Variants in XPNPEP3 observed in about 807,000 individuals in gnomAD.
XPNPEP3 encodes the protein X-prolyl aminopeptidase 3, also known as xaa-Pro aminopeptidase 3.
In XPNPEP3, 41 loss-of-function variants were observed where a neutral mutation model predicts 60.0. The observed-to-expected ratio is 0.68, with a 90% CI of 0.53 to 0.89. The LOEUF is 0.89. XPNPEP3 is among the 40% of genes least tolerant of loss of function. XPNPEP3 has a pLI of 0.00. For synonymous variants in XPNPEP3, 212 were observed against 223.2 expected (o/e 0.95, Z 0.45); for missense variants, 598 against 638.9 (o/e 0.94, Z 0.69).
intron 2 of XPNPEP3, among the ~76,000 whole-genome samples, chr22:40,873,657 T>C: frequency 6.6e-6 from 1 of 151,958 alleles, no homozygotes; most frequent in Non-Finnish European, 1.5e-5. Context: ...CAGATGTCTG[T>C]AGTCCTAGCT....
At chr22:40,897,847 C>T (rs2058115135) in intron 4 of XPNPEP3, among the ~76,000 whole-genome samples, 2 of 152,106 alleles carry the variant, frequency 1.3e-5, no homozygotes, top group Non-Finnish European at 2.9e-5. Flanking sequence ...TGATGTTCAG[C>T]ATATTTTCAT....
chr22:40,901,256 G>T (rs1229723372), intron 4 of XPNPEP3, among the ~76,000 whole-genome samples: 1 of 71,454 alleles, frequency 1.4e-5, no homozygotes, highest in Non-Finnish European at 2.7e-5. Context: ...TTTTGAGATG[G>T]AGTTTCACTC....
rs185429000 is a variant in XPNPEP3, at chr22:40,890,682, C to T, written c.792+4167C>T. Among the ~76,000 whole-genome samples, 4 of 152,276 alleles carry T rather than the reference C, an allele frequency of 2.6e-5. No individual in the cohort carries two copies. In the East Asian group the frequency reaches 5.8e-4, roughly 22 times the overall value. On this transcript the variant is annotated intron_variant, in intron 4 of 9. Transcript: ENST00000357137. The stretch of plus-strand genomic sequence containing the variant: ...AGGAGTTCAAGCCCAGCCTGGGCAA[C>T]ATGGTGAAACCCTGTCTCTGCAAAA...
At chr22:40,877,645 A>C (rs1424522009) in intron 2 of XPNPEP3, among the ~76,000 whole-genome samples, 1 of 152,214 alleles carries the variant, frequency 6.6e-6, no homozygotes. Flanking sequence ...TGGCTCAATA[A>C]ACTTGTTAGA....
chr22:40,879,267 C>A (rs1035422860), intron 2 of XPNPEP3, among the ~76,000 whole-genome samples: 3 of 152,216 alleles, frequency 2.0e-5, no homozygotes, highest in African/African-American at 7.2e-5. Flanking sequence ...CCACTTATCA[C>A]TCTCTCTTAT....
In XPNPEP3 at chr22:40,924,401, C is replaced by G. The variant is rs757771381; in HGVS notation, c.1276C>G (p.Leu426Val). Reference sequence around the variant, plus strand: ...CTGTCCTCATCATGTTGGCCACTACCTCGGGATGGATGTCCATGACACTCC... The same window carrying G: ...CTGTCCTCATCATGTTGGCCACTACGTCGGGATGGATGTCCATGACACTCC... ...KYCPHHVGHY[L>V]GMDVHDTPDM... The change falls in exon 9 of 10, where the codon CTC becomes GTC. Residue 426 changes from leucine (L) to valine (V), a missense_variant. Physicochemically the swap from Leu to Val is conservative, Grantham distance 32 (BLOSUM62 1). Coordinates refer to ENST00000357137, the MANE Select transcript of XPNPEP3 (RefSeq NM_022098.4). 1 of 1,614,184 alleles carries G rather than the reference C, an allele frequency of 6.2e-7. No homozygotes were observed. The highest frequency in any genetic ancestry group is 1.1e-5 in the South Asian group (1 of 91,086).
intron 4 of XPNPEP3, among the ~76,000 whole-genome samples, chr22:40,899,146 C>T (rs540031047): frequency 1.3e-5 from 2 of 152,242 alleles, no homozygotes; most frequent in South Asian, 4.1e-4. Context: ...CCCCTTATGT[C>T]CATGGTTTTT....
chr22:40,883,718 A>G (rs972062233), intron 3 of XPNPEP3, among the ~76,000 whole-genome samples: 1 of 152,092 alleles, frequency 6.6e-6, no homozygotes, highest in African/African-American at 2.4e-5. Context: ...TTCTGGTGAA[A>G]TTTTAATCAA....
At chr22:40,859,730 A>G (rs1317866384) in intron 1 of XPNPEP3, 3 of 152,224 alleles carry the variant, frequency 2.0e-5, no homozygotes, top group Non-Finnish European at 4.4e-5. Flanking sequence ...AGCAGATATT[A>G]TAATTTTTTT....
chr22:40,862,213 C>T, intron 1 of XPNPEP3: 2 of 1,340,204 alleles, frequency 1.5e-6, no homozygotes. Context: ...TGGTGTCATT[C>T]TGGGGTCAGT....
chr22:40,879,586 A>G (rs780038758), intron 2 of XPNPEP3, among the ~76,000 whole-genome samples: 8 of 152,066 alleles, frequency 5.3e-5, no homozygotes, highest in Non-Finnish European at 4.4e-5. Context: ...TCATGCCTGT[A>G]ATCCCAGCAC....
At chr22:40,888,610 T>C (rs2058077726) in intron 4 of XPNPEP3, 1 of 175,700 alleles carries the variant, frequency 5.7e-6, no homozygotes, top group Admixed American at 6.3e-5. Flanking sequence ...TGTCTATTCA[T>C]CCATTGATAA....
chr22:40,877,929 G>A (rs1404252022), intron 2 of XPNPEP3, among the ~76,000 whole-genome samples: 2 of 151,898 alleles, frequency 1.3e-5, no homozygotes, highest in African/African-American at 4.8e-5. Context: ...TTTTGTTTCT[G>A]GGTACAGTGG....
At position 40,922,410 on chromosome 22, in the gene XPNPEP3, G is replaced by A. The variant is rs1389150267; in HGVS notation, c.1133G>A (p.Gly378Glu). Residue 378 changes from glycine (G) to glutamate (E), a missense_variant, in exon 8 of 10, where the codon GGG (glycine) becomes GAG (glutamate). Gly to Glu is a moderately conservative substitution (Grantham distance 98). Transcript: ENST00000357137. ...GATTGTTTGGCCCTCTGCTTCCCTG[G>A]GACAAGCTTGGAGAACATCTACAGC... is the stretch of plus-strand genomic sequence containing the variant. ...QRDCLALCFP[G>E]TSLENIYSMM... The A allele has an allele frequency of 6.2e-7, 1 of 1,613,728 alleles. No homozygotes were observed. The highest frequency in any genetic ancestry group is 1.7e-5 in the Admixed American group (1 of 59,970).
intron 2 of XPNPEP3, among the ~76,000 whole-genome samples, chr22:40,872,830 G>T (rs567280678): frequency 6.6e-6 from 1 of 152,130 alleles, no homozygotes; most frequent in East Asian, 1.9e-4. Context: ...ATTGCCAAAG[G>T]AGTAATGTTG....
chr22:40,861,666 T>A (rs1197591009), intron 1 of XPNPEP3: 1 of 1,614,126 alleles, frequency 6.2e-7, no homozygotes, highest in East Asian at 2.2e-5. Flanking sequence ...TTCAAAGAAG[T>A]GAAAAGAAAA....
At chr22:40,917,902 TAG>T (rs1232855259) in intron 7 of XPNPEP3, 1 of 151,080 alleles carries the variant, frequency 6.6e-6, no homozygotes, top group Non-Finnish European at 1.5e-5. Flanking sequence ...TCCCAGCTAC[TAG>T]AGAGACTAAA....
At chr22:40,875,551 A>G (rs2058024796) in intron 2 of XPNPEP3, among the ~76,000 whole-genome samples, 3 of 152,168 alleles carry the variant, frequency 2.0e-5, no homozygotes, top group Admixed American at 2.0e-4. Flanking sequence ...ACATATTGAT[A>G]GACCATTTCA....
chr22:40,860,385 T>C (rs2057935640), intron 1 of XPNPEP3: 1 of 195,726 alleles, frequency 5.1e-6, no homozygotes, highest in Admixed American at 6.0e-5. Context: ...GCTAAGTCTA[T>C]TTCTAACTTA....
Sources: allele counts gnomAD v4.1 joint callset (sites outside exome capture counted in the v4.1 genomes callset), GRCh38; gene constraint gnomAD v4.1.1; transcripts MANE v1.5; gene names NCBI Gene and HGNC (gene_info 2026-07-23, HGNC 2026-07-21).